Variants in STXBP4 observed in about 807,000 individuals in gnomAD.
The protein encoded by STXBP4 is syntaxin binding protein 4.
Under a neutral mutation model 76.1 loss-of-function variants are expected in STXBP4, and 55 were observed. The observed-to-expected ratio is 0.72, with a 90% CI of 0.58 to 0.91. The LOEUF is 0.91. Ranked by LOEUF, STXBP4 falls within the 40% of genes least tolerant of loss-of-function variation. STXBP4 has a pLI of 0.00. For synonymous variants in STXBP4, 201 were observed against 220.2 expected (o/e 0.91, Z 0.77); for missense variants, 618 against 636.9 (o/e 0.97, Z 0.32).
chr17:55,193,991 G>A, the STXBP4 span, among the ~76,000 whole-genome samples: 1 of 152,076 alleles, frequency 6.6e-6, no homozygotes, highest in African/African-American at 2.4e-5. Context: ...GAATTTCAGG[G>A]AAAAGAAGGC....
the STXBP4 span, among the ~76,000 whole-genome samples, chr17:55,202,287 C>T: frequency 6.6e-6 from 1 of 152,054 alleles, no homozygotes; most frequent in African/African-American, 2.4e-5. Flanking sequence ...TTCTCACCCC[C>T]AGGTCTGATC....
Position 55,168,618 on chromosome 17 carries a change from A to ATAAATCG in STXBP4, c.*8708_*8709insAAATCGT, listed in dbSNP as rs2080390323. On this transcript the variant is annotated 3_prime_UTR_variant, in exon 18 of 18. Coordinates refer to ENST00000376352, the MANE Select transcript of STXBP4 (RefSeq NM_178509.6). ...GTTTCAGCATAGATTTTTAAAAATC[A>ATAAATCG]TGTGTGTAAAAGAGAATGAAATATT... 1 of 152,138 alleles carries ATAAATCG rather than the reference A, an allele frequency of 6.6e-6. No homozygotes were observed. Among genetic ancestry groups the ATAAATCG allele is most frequent in the Non-Finnish European group, 1.5e-5 (1 of 68,032 alleles). The allele number at this position is 152,138 out of a possible 1,614,324, so 9.4% of individuals were successfully genotyped here.
At chr17:55,026,603 A>T (rs1472943295) in intron 8 of STXBP4, among the ~76,000 whole-genome samples, 1 of 152,204 alleles carries the variant, frequency 6.6e-6, no homozygotes, top group African/African-American at 2.4e-5. Flanking sequence ...CTGGCAGTGT[A>T]GCTCACAGGG....
At chr17:55,175,659 G>A (rs192098382), downstream of STXBP4, among the ~76,000 whole-genome samples, 4 of 152,320 alleles carry the variant, frequency 2.6e-5, no homozygotes, top group Non-Finnish European at 4.4e-5. Context: ...TTTTAGAGTC[G>A]GGGGACAAAG....
At chr17:55,121,492 C>T (rs1233281384) in intron 16 of STXBP4, among the ~76,000 whole-genome samples, 2 of 152,168 alleles carry the variant, frequency 1.3e-5, no homozygotes, top group African/African-American at 4.8e-5. Context: ...GAATTATTAA[C>T]TATGTACCCA....
At position 55,096,612 on chromosome 17, in the gene STXBP4, CT is replaced by C. The variant is rs74955815; in HGVS notation, c.1489+15443del. On this transcript the variant is annotated intron_variant, in intron 16 of 17. Transcript: ENST00000376352. ...TTTTTTATTGGAAACTTTCATATTG[CT>C]TTTTTTTTTTTTTAAGAATAAGCAT... Among the ~76,000 whole-genome samples, 911 of 133,318 alleles carry C rather than the reference CT, an allele frequency of 6.8e-3. 4 individuals are homozygous for C. Among genetic ancestry groups the C allele is most frequent in the Middle Eastern group, 0.012 (3 of 260 alleles). 87.5% of individuals were successfully genotyped at this position (133,318 alleles called of 152,430 possible).
At chr17:55,132,951 A>G (rs2628318) in intron 16 of STXBP4, among the ~76,000 whole-genome samples, 97,002 of 152,014 alleles carry the variant, frequency 0.64, 31,820 homozygotes, top group African/African-American at 0.79. Flanking sequence ...AAGGAACAGT[A>G]TGAGACCAAT....
intron 13 of STXBP4, among the ~76,000 whole-genome samples, chr17:55,076,855 C>T (rs956745339): frequency 6.6e-6 from 1 of 152,074 alleles, no homozygotes; most frequent in Admixed American, 6.6e-5. Flanking sequence ...TCTTTCTGTT[C>T]CATTATGAGA....
chr17:55,185,326 T>TCTCCTCCTC, the STXBP4 span, among the ~76,000 whole-genome samples: 63 of 74,702 alleles, frequency 8.4e-4, 2 homozygotes, highest in Middle Eastern at 8.8e-3. Context: ...TCCTTCTCCT[T>TCTCCTCCTC]CTCCTCCTCC....
chr17:55,015,916 A>T (rs940851590), intron 8 of STXBP4, among the ~76,000 whole-genome samples: 3 of 152,228 alleles, frequency 2.0e-5, no homozygotes, highest in Non-Finnish European at 4.4e-5. Context: ...TAGCTGTAAG[A>T]TGGTGTTATA....
At chr17:55,174,334 A>C (rs2628311), downstream of STXBP4, among the ~76,000 whole-genome samples, 44,558 of 152,112 alleles carry the variant, frequency 0.29, 7,187 homozygotes, top group Non-Finnish European at 0.36. Context: ...CAGTTGCTCC[A>C]TGCCCTTGTC....
the STXBP4 span, among the ~76,000 whole-genome samples, chr17:55,209,007 G>C: frequency 2.6e-5 from 4 of 152,004 alleles, no homozygotes; most frequent in African/African-American, 9.7e-5. Context: ...ACCTGAACCT[G>C]GGAGGTGGAG....
intron 16 of STXBP4, among the ~76,000 whole-genome samples, chr17:55,086,571 T>G (rs1230078271): frequency 1.3e-5 from 2 of 152,190 alleles, no homozygotes; most frequent in African/African-American, 4.8e-5. Context: ...TTCCAGTCTC[T>G]AGTACCCTCT....
chr17:55,010,394 G>A (rs975952560), intron 8 of STXBP4, among the ~76,000 whole-genome samples: 1 of 151,872 alleles, frequency 6.6e-6, no homozygotes, highest in Non-Finnish European at 1.5e-5. Context: ...TTAATTCCTT[G>A]TCTGTAAAAT....
Position 55,015,293 on chromosome 17 carries a change from C to A in STXBP4, c.666+7696C>A, listed in dbSNP as rs61016821. On this transcript the variant is annotated intron_variant, in intron 8 of 17. Coordinates refer to ENST00000376352, the MANE Select transcript of STXBP4 (RefSeq NM_178509.6). The stretch of plus-strand genomic sequence containing the variant: ...TGTCTGTGGCACCAATCTCCATGTT[C>A]TGATTCTGTGTCCCAATGAGGGTCT... Among the ~76,000 whole-genome samples, 1,064 of 152,296 alleles carry A rather than the reference C, an allele frequency of 7.0e-3. 15 individuals carry two copies. Among genetic ancestry groups the A allele is most frequent in the African/African-American group, 0.024 (1,005 of 41,560 alleles).
At chr17:55,045,161 G>A (rs1280852249) in intron 11 of STXBP4, among the ~76,000 whole-genome samples, 1 of 151,942 alleles carries the variant, frequency 6.6e-6, no homozygotes, top group Admixed American at 6.6e-5. Context: ...CCTTTGAAAA[G>A]GTTTTGCCAA....
At chr17:55,025,619 A>G (rs575873279) in intron 8 of STXBP4, among the ~76,000 whole-genome samples, 1 of 152,216 alleles carries the variant, frequency 6.6e-6, no homozygotes, top group Admixed American at 6.5e-5. Flanking sequence ...CAATAAACTA[A>G]CAATAGAAAG....
intron 16 of STXBP4, among the ~76,000 whole-genome samples, chr17:55,098,779 G>A (rs554871696): frequency 6.6e-6 from 1 of 152,154 alleles, no homozygotes; most frequent in East Asian, 1.9e-4. Context: ...TCACTCCCCT[G>A]TTTTATTCTC....
At chr17:55,135,228 A>G (rs1354142290) in intron 16 of STXBP4, among the ~76,000 whole-genome samples, 1 of 152,168 alleles carries the variant, frequency 6.6e-6, no homozygotes, top group African/African-American at 2.4e-5. Flanking sequence ...ATGTTCCTTT[A>G]ATATATTATA....
Sources: gnomAD v4.1 joint callset for allele counts (sites outside exome capture counted in the v4.1 genomes callset) on GRCh38, gnomAD v4.1.1 for gene constraint, MANE v1.5 for transcripts, NCBI Gene and HGNC (gene_info 2026-07-23, HGNC 2026-07-21) for gene names.